Variants in SLC6A9 observed in about 807,000 individuals in gnomAD.
SLC6A9 encodes the protein sodium- and chloride-dependent glycine transporter 1.
In SLC6A9, 31 loss-of-function variants were observed where a neutral mutation model predicts 70.9. The observed-to-expected ratio is 0.44, with a 90% confidence interval of 0.33 to 0.59. The LOEUF is 0.59. Among genes scored for constraint, SLC6A9 ranks in the 20% least tolerant of loss-of-function variants. The probability of loss-of-function intolerance (pLI) is 0.04; values close to 1 mark genes in which losing one functional copy is unlikely to be tolerated. For synonymous variants in SLC6A9, 310 were observed against 341.3 expected, an observed-to-expected ratio of 0.91 and a Z score of 1.01; for missense variants, 631 against 845.2, an observed-to-expected ratio of 0.75 and a Z score of 3.14.
intron 5 of SLC6A9, among the ~76,000 whole-genome samples, chr1:44,004,130 G>A (rs903352061): frequency 1.3e-5 from 2 of 151,934 alleles, no homozygotes; most frequent in Non-Finnish European, 2.9e-5. Flanking sequence ...GAGTAGCTGG[G>A]ATTACAGGTA....
rs201260952 is a variant in SLC6A9, at chr1:44,001,114, C to T, written c.1335+50G>A. 4.1e-4 allele frequency: 654 copies of T among 1,613,362 alleles called. 5 individuals carry two copies. Among genetic ancestry groups the T allele is most frequent in the Non-Finnish European group, 3.8e-5 (45 of 1,179,500 alleles). On this transcript the variant is annotated intron_variant, in intron 10 of 13. Transcript: ENST00000372310. ...GCAGCCCGGGCTCCCCAACCCTTCC[C>T]TGCACGTCCTGGCAACTCTGGGCCA... is the stretch of plus-strand genomic sequence containing the variant.
chr1:44,011,558 G>A, intron 2 of SLC6A9: 1 of 1,613,422 alleles, frequency 6.2e-7, no homozygotes, highest in Non-Finnish European at 8.5e-7. Flanking sequence ...CTGGGGAGCT[G>A]ACCTGGGCCA....
chr1:44,002,682 C>T lies in SLC6A9; in HGVS notation c.724-36G>A. 6.2e-7 allele frequency: 1 copy of T among 1,612,588 alleles called. No individual in the cohort carries two copies. Among genetic ancestry groups the T allele is most frequent in the Non-Finnish European group, 8.5e-7 (1 of 1,178,844 alleles). The stretch of plus-strand genomic sequence containing the variant: ...AGGGCTCCATGGACTCTTCTGGGCT[C>T]TCCCCTCCCCTGGGCACCACCACCC... On this transcript the variant is annotated intron_variant, in intron 6 of 13. Coordinates refer to ENST00000372310, the MANE Select transcript of SLC6A9 (RefSeq NM_001024845.3). The surrounding 1 kb of genome is among the most constrained non-coding windows in gnomAD (Gnocchi z 5.5).
rs2085927514 is a variant in SLC6A9 at position 43,997,830 on chromosome 1, C to A, written c.1707+25G>T. On this transcript the variant is annotated intron_variant, in intron 13 of 13. Transcript: ENST00000372310. The surrounding 1 kb of genome is among the most constrained non-coding windows in gnomAD (Gnocchi z 4.4). Reference sequence around the variant, plus strand: ...AGCTGGCCCCTCCCATTTTGCCTGGCTACCCAGCCTGTCCCTGCCCTCACC... The same window carrying A: ...AGCTGGCCCCTCCCATTTTGCCTGGATACCCAGCCTGTCCCTGCCCTCACC... 2 of 1,591,796 alleles carry A rather than the reference C, an allele frequency of 1.3e-6. No individual in the cohort carries two copies. The highest frequency in any genetic ancestry group is 1.7e-6 in the Non-Finnish European group (2 of 1,166,582).
In SLC6A9 at chr1:44,008,535, C is replaced by T. The variant is rs201088849; in HGVS notation, c.408G>A (p.Ser136=). The change falls in exon 5 of 14, where the codon TCG becomes TCA. Residue 136 remains serine, a synonymous_variant. Transcript: ENST00000372310. Reference sequence around the variant, plus strand: ...CCCAGGGCAGCACGTGCGTCATGGACGAGAAGAAGTAGTAGAAGGCGATGC... The same window carrying T: ...CCCAGGGCAGCACGTGCGTCATGGATGAGAAGAAGTAGTAGAAGGCGATGC... ...VICIAFYYFF[S]SMTHVLPWAY... The T allele has an allele frequency of 1.1e-5, 18 of 1,613,822 alleles. No individual in the cohort carries two copies. The highest frequency in any genetic ancestry group is 5.0e-5 in the Admixed American group (3 of 59,990).
chr1:44,002,823 G>C lies in SLC6A9; in HGVS notation c.723+30C>G. The C allele has an allele frequency of 1.2e-6, 2 of 1,613,058 alleles. No individual in the cohort carries two copies. Among genetic ancestry groups the C allele is most frequent in the African/African-American group, 2.7e-5 (2 of 75,000 alleles). ...TAGGGGGCAGGGTCTTTCTGGGTGG[G>C]CACAGACCCTGCTGGGGAGGGGTAC... On this transcript the variant is annotated intron_variant, in intron 6 of 13. Coordinates refer to ENST00000372310, the MANE Select transcript of SLC6A9 (RefSeq NM_001024845.3). The surrounding 1 kb of genome is among the most constrained non-coding windows in gnomAD (Gnocchi z 5.5).
intron 1 of SLC6A9, among the ~76,000 whole-genome samples, chr1:44,028,615 C>G (rs900144616): frequency 2.0e-5 from 3 of 152,138 alleles, no homozygotes; most frequent in Admixed American, 1.3e-4. Context: ...ATTAGCTGGG[C>G]GTGGTGGCAG....
At chr1:44,017,190 C>G in intron 2 of SLC6A9, 1 of 1,582,000 alleles carries the variant, frequency 6.3e-7, no homozygotes, top group African/African-American at 1.4e-5. Flanking sequence ...CTCCCACTGC[C>G]GGGCTGGGCA....
At chr1:44,014,181 GGGAATT>G (rs917928387) in intron 2 of SLC6A9, among the ~76,000 whole-genome samples, 1 of 151,950 alleles carries the variant, frequency 6.6e-6, no homozygotes, top group African/African-American at 2.4e-5. Flanking sequence ...CATCTCAGTG[GGGAATT>G]AAACCATAGC....
Position 44,013,728 on chromosome 1 carries a change from G to A in SLC6A9, c.31-2846C>T, listed in dbSNP as rs996165544. ...GGCTGAGCTCTCAGCGGACGACAGA[G>A]CAGGCCTACCTTTCTCCAAGCAAAC... is the stretch of plus-strand genomic sequence containing the variant. On this transcript the variant is annotated intron_variant, in intron 2 of 13. Coordinates refer to ENST00000372310, the MANE Select transcript of SLC6A9 (RefSeq NM_001024845.3). The surrounding 1 kb of genome is among the most constrained non-coding windows in gnomAD (Gnocchi z 5.3). Among the ~76,000 whole-genome samples, 1 of 152,096 alleles carries A rather than the reference G, an allele frequency of 6.6e-6. No homozygotes were observed. The highest frequency in any genetic ancestry group is 1.5e-5 in the Non-Finnish European group (1 of 68,012).
chr1:44,002,806 AG>A lies in SLC6A9; in HGVS notation c.723+46del. ...TACACACATAACCCAGGTAGGGGGC[AG>A]GGTCTTTCTGGGTGGGCACAGACCC... On this transcript the variant is annotated intron_variant, in intron 6 of 13. Coordinates refer to ENST00000372310, the MANE Select transcript of SLC6A9 (RefSeq NM_001024845.3). This position sits in a 1 kb window ranked among gnomAD's most constrained non-coding sequence, Gnocchi z 5.5. 1 of 1,610,886 alleles carries A rather than the reference AG, an allele frequency of 6.2e-7. No homozygotes were observed.
At chr1:44,019,079 C>T (rs1159331087) in intron 2 of SLC6A9, among the ~76,000 whole-genome samples, 2 of 152,152 alleles carry the variant, frequency 1.3e-5, no homozygotes, top group African/African-American at 4.8e-5. Flanking sequence ...TCAGTTTCTC[C>T]ATCTCTAAAA....
At chr1:44,030,943 A>G (rs1235167268) in intron 1 of SLC6A9, among the ~76,000 whole-genome samples, 1 of 151,710 alleles carries the variant, frequency 6.6e-6, no homozygotes, top group African/African-American at 2.4e-5. Context: ...CTCCGGCGCT[A>G]CCCGCACAGC....
At chr1:44,030,813 A>G (rs2087098195) in intron 1 of SLC6A9, among the ~76,000 whole-genome samples, 1 of 152,108 alleles carries the variant, frequency 6.6e-6, no homozygotes, top group Admixed American at 6.5e-5. Flanking sequence ...GCGGGCGCTG[A>G]GAGGCGATGG....
In SLC6A9 at chr1:43,997,832, AC is replaced by A; in HGVS notation, c.1707+22del. 1 of 1,592,942 alleles carries A rather than the reference AC, an allele frequency of 6.3e-7. No individual in the cohort carries two copies. Among genetic ancestry groups the A allele is most frequent in the Non-Finnish European group, 8.6e-7 (1 of 1,167,148 alleles). On this transcript the variant is annotated intron_variant, in intron 13 of 13. Coordinates refer to ENST00000372310, the MANE Select transcript of SLC6A9 (RefSeq NM_001024845.3). This position sits in a 1 kb window ranked among gnomAD's most constrained non-coding sequence, Gnocchi z 4.4. ...CTGGCCCCTCCCATTTTGCCTGGCT[AC>A]CCAGCCTGTCCCTGCCCTCACCTGG...
At chr1:44,000,700 G>A in intron 12 of SLC6A9, 67 bp downstream of exon 12, 1 of 1,051,870 alleles carries the variant, frequency 9.5e-7, no homozygotes, top group Non-Finnish European at 1.4e-6. Flanking sequence ...CCCTCCGCTG[G>A]GTCCCAAGAG....
At chr1:44,007,713 G>A (rs2086368545) in intron 5 of SLC6A9, among the ~76,000 whole-genome samples, 1 of 151,966 alleles carries the variant, frequency 6.6e-6, no homozygotes, top group Non-Finnish European at 1.5e-5. Context: ...TCAGCTTTGG[G>A]GCCAGCCTCT....
rs757871317 is a variant in SLC6A9 at position 43,998,005 on chromosome 1, C to A, written c.1557G>T (p.Val519=). The A allele has an allele frequency of 1.2e-6, 2 of 1,613,502 alleles. No homozygotes were observed. The highest frequency in any genetic ancestry group is 2.2e-5 in the South Asian group (2 of 91,014). The change falls in exon 13 of 14, where the codon GTG becomes GTT. Residue 519 remains valine, a synonymous_variant. Coordinates refer to ENST00000372310, the MANE Select transcript of SLC6A9 (RefSeq NM_001024845.3). ...TGTAGGTGATCGGCTGGTACTGGAT[C>A]ACAGTGAAAACTAGAATAAACTGCA... ...AIIFFILVFT[V]IQYQPITYNH...
In SLC6A9 at chr1:44,000,260, A is replaced by G. The variant is rs74073350; in HGVS notation, c.1536+507T>C. On this transcript the variant is annotated intron_variant, in intron 12 of 13. Coordinates refer to ENST00000372310, the MANE Select transcript of SLC6A9 (RefSeq NM_001024845.3). ...TTCTCAGCTGTTGAATATTCATAAA[A>G]CCTGGAACTCCCCTTCCCAAGCCAC... Among the ~76,000 whole-genome samples, 402 of 152,232 alleles carry G rather than the reference A, an allele frequency of 2.6e-3. 1 individual carries two copies. The highest frequency in any genetic ancestry group is 9.3e-3 in the African/African-American group (387 of 41,526).
Sources: allele counts gnomAD v4.1 joint callset (sites outside exome capture counted in the v4.1 genomes callset), GRCh38; gene constraint gnomAD v4.1.1; non-coding constraint Gnocchi (gnomAD v3.1); transcripts MANE v1.5; gene names NCBI Gene and HGNC (gene_info 2026-07-23, HGNC 2026-07-21).